TENM4: variants seen among roughly 807,000 people sequenced by gnomAD.
TENM4 encodes teneurin transmembrane protein 4, also known as teneurin-4.
Under a neutral mutation model 243.3 loss-of-function variants are expected in TENM4, and 82 were observed. The observed-to-expected ratio is 0.34, with a 90% CI of 0.28 to 0.40. The LOEUF (loss-of-function observed/expected upper bound fraction) is 0.40, where lower values mean the gene tolerates loss of function less well. Among genes scored for constraint, TENM4 ranks in the 10% least tolerant of loss-of-function variants. The pLI is 1.00. For synonymous variants in TENM4, 1,412 were observed against 1,456.3 expected, an observed-to-expected ratio of 0.97 and a Z score of 0.69; for missense variants, 3,138 against 3,673.3, an observed-to-expected ratio of 0.85 and a Z score of 3.77.
At chr11:78,869,875 A>T (rs889165891) in intron 9 of TENM4, among the ~76,000 whole-genome samples, 4 of 152,182 alleles carry the variant, frequency 2.6e-5, no homozygotes, top group African/African-American at 9.7e-5. Context: ...CTCTTTTGAG[A>T]TAGTTTGTTA....
intron 1 of TENM4, among the ~76,000 whole-genome samples, chr11:79,416,738 G>C (rs1320736378): frequency 6.6e-6 from 1 of 152,100 alleles, no homozygotes; most frequent in Admixed American, 6.5e-5. Flanking sequence ...CAAATTAATT[G>C]GTGGCAGGCT....
chr11:79,148,789 A>G lies in TENM4; in HGVS notation c.-145T>C. 2 of 981,658 alleles carry G rather than the reference A, an allele frequency of 2.0e-6. No homozygotes were observed. The highest frequency in any genetic ancestry group is 2.4e-6 in the Non-Finnish European group (2 of 826,284). The allele number at this position is 981,658 out of a possible 1,614,324, so 60.8% of individuals were successfully genotyped here. A position where few individuals can be genotyped will look rare whatever the true frequency, so the allele number is the denominator to read the frequency against. ...AAGTATGCAATTTTAATTTGGACAC[A>G]TGGTAATTTCAGTCTACCTGTTGAA... On this transcript the variant is annotated 5_prime_UTR_variant, in exon 4 of 34. The change abolishes an upstream ATG in the 5' untranslated region. Transcript: ENST00000278550.
chr11:79,101,551 G>A lies in TENM4; in HGVS notation c.-65-31542C>T, dbSNP rs79727795. Among the ~76,000 whole-genome samples, 220 of 152,286 alleles carry A rather than the reference G, an allele frequency of 1.4e-3. 7 individuals are homozygous for A. The East Asian group carries it at 0.031, about 22-fold the overall frequency. ...AGAAGCAGAATTAAGAAACCGTTGC[G>A]TCCTGGAGGGCTGAGTAATCCTGCA... On this transcript the variant is annotated intron_variant, in intron 4 of 33. Transcript: ENST00000278550.
chr11:78,718,324 T>C (rs1314060960), intron 25 of TENM4, among the ~76,000 whole-genome samples: 1 of 152,122 alleles, frequency 6.6e-6, no homozygotes, highest in Non-Finnish European at 1.5e-5. Flanking sequence ...TCTTAGAAAG[T>C]TTTTAGTACC....
intron 2 of TENM4, among the ~76,000 whole-genome samples, chr11:79,234,180 T>A (rs934062645): frequency 1.3e-5 from 2 of 152,228 alleles, no homozygotes; most frequent in African/African-American, 4.8e-5. Flanking sequence ...AGCTTGCATA[T>A]GCCTGGCACT....
chr11:79,204,130 C>T (rs952749623), intron 3 of TENM4, among the ~76,000 whole-genome samples: 2 of 152,070 alleles, frequency 1.3e-5, no homozygotes, highest in Non-Finnish European at 2.9e-5. Flanking sequence ...AGGAAGAAAT[C>T]TGGGGTGACT....
At chr11:79,286,459 C>G (rs1856252937) in intron 2 of TENM4, among the ~76,000 whole-genome samples, 1 of 150,286 alleles carries the variant, frequency 6.7e-6, no homozygotes, top group Non-Finnish European at 1.5e-5. Context: ...TTGAGACCAG[C>G]CTGGCCAACA....
intron 2 of TENM4, among the ~76,000 whole-genome samples, chr11:79,272,600 T>C (rs1029349339): frequency 2.0e-5 from 3 of 152,130 alleles, no homozygotes; most frequent in African/African-American, 2.4e-5. Context: ...TTGGCTACCA[T>C]ATTGGTAGTG....
intron 12 of TENM4, among the ~76,000 whole-genome samples, chr11:78,830,377 A>C (rs894353968): frequency 1.3e-5 from 2 of 152,186 alleles, no homozygotes; most frequent in African/African-American, 4.8e-5. Context: ...AGGGTGCACA[A>C]AGGAGAGGCC....
intron 2 of TENM4, among the ~76,000 whole-genome samples, chr11:79,279,058 C>T (rs966350258): frequency 6.6e-6 from 1 of 152,160 alleles, no homozygotes; most frequent in Admixed American, 6.5e-5. Context: ...CTTTAGATGC[C>T]TGCAGAGTCC....
intron 21 of TENM4, among the ~76,000 whole-genome samples, chr11:78,730,236 G>A (rs1354973404): frequency 1.3e-5 from 2 of 152,204 alleles, no homozygotes; most frequent in Non-Finnish European, 2.9e-5. Flanking sequence ...TGGCAGGAGG[G>A]ATGCCATGAA....
At chr11:78,846,558 A>G (rs1858397926) in intron 12 of TENM4, among the ~76,000 whole-genome samples, 1 of 152,206 alleles carries the variant, frequency 6.6e-6, no homozygotes, top group Non-Finnish European at 1.5e-5. Context: ...TTAAAGCATC[A>G]TGCAAGGTGC....
chr11:79,342,037 C>G (rs941155197), intron 1 of TENM4, among the ~76,000 whole-genome samples: 1 of 152,190 alleles, frequency 6.6e-6, no homozygotes, highest in African/African-American at 2.4e-5. Context: ...TGCTCTTGTT[C>G]TCTCTGGGCC....
chr11:78,766,049 A>G (rs1347251932), intron 18 of TENM4, among the ~76,000 whole-genome samples: 1 of 152,262 alleles, frequency 6.6e-6, no homozygotes, highest in Admixed American at 6.5e-5. Context: ...TATAATAAAT[A>G]TCATGTTTCT....
chr11:79,334,345 G>C (rs1300819288), intron 1 of TENM4, among the ~76,000 whole-genome samples: 1 of 152,162 alleles, frequency 6.6e-6, no homozygotes, highest in Non-Finnish European at 1.5e-5. Flanking sequence ...ACCTAGGCCA[G>C]GTGCCAGGAG....
At chr11:78,820,754 A>G (rs539113008) in intron 12 of TENM4, among the ~76,000 whole-genome samples, 27 of 152,354 alleles carry the variant, frequency 1.8e-4, no homozygotes, top group African/African-American at 3.6e-4. Flanking sequence ...CAAACAAGCA[A>G]TGCTTCTGAA....
chr11:78,957,026 C>T (rs1048759088), intron 6 of TENM4, among the ~76,000 whole-genome samples: 3 of 152,196 alleles, frequency 2.0e-5, no homozygotes, highest in South Asian at 2.1e-4. Flanking sequence ...GAATACCCTT[C>T]ATCCCTCATC....
intron 4 of TENM4, among the ~76,000 whole-genome samples, chr11:79,091,029 T>C (rs374872760): frequency 2.6e-5 from 4 of 152,232 alleles, no homozygotes; most frequent in South Asian, 4.2e-4. Flanking sequence ...CAGTGGGAAA[T>C]GTCAGACGCT....
At chr11:78,894,412 A>C (rs1192809181) in intron 7 of TENM4, among the ~76,000 whole-genome samples, 1 of 152,236 alleles carries the variant, frequency 6.6e-6, no homozygotes, top group Non-Finnish European at 1.5e-5. Context: ...ATAAAGATCA[A>C]AATGTTAGCA....
Sources: gnomAD v4.1 joint callset for allele counts (sites outside exome capture counted in the v4.1 genomes callset) on GRCh38, gnomAD v4.1.1 for gene constraint, MANE v1.5 for transcripts, NCBI Gene and HGNC (gene_info 2026-07-23, HGNC 2026-07-21) for gene names.